The following CFAP47 variants were observed in gnomAD, a reference collection of about 807,000 sequenced individuals.
CFAP47 encodes cilia and flagella associated protein 47.
A neutral mutation model predicts 148.1 loss-of-function variants in CFAP47; 29 were observed. The observed-to-expected ratio is 0.20, with a 90% CI of 0.15 to 0.27. CFAP47 has a LOEUF of 0.27. Ranked by LOEUF, CFAP47 falls within the 10% of genes least tolerant of loss-of-function variation. CFAP47 has a pLI of 1.00. For missense variants in CFAP47, 1,872 were observed against 1,697.5 expected (o/e 1.10, Z -1.81); for synonymous variants, 664 against 577.3 (o/e 1.15, Z -2.15).
intron 51 of CFAP47, among the ~76,000 whole-genome samples, chrX:36,297,881 C>G (rs782494580): frequency 9.0e-6 from 1 of 111,291 alleles, no homozygotes; most frequent in East Asian, 2.8e-4. Context: ...CAGACCCCAT[C>G]CCAGAGCTAC....
intron 8 of CFAP47, among the ~76,000 whole-genome samples, chrX:35,958,974 G>A (rs1163464738): frequency 9.0e-6 from 1 of 111,540 alleles, no homozygotes; most frequent in East Asian, 2.8e-4. Context: ...GGCTCTGAAG[G>A]TGGAAGGGGG....
At position 36,363,200 on chromosome X, in the gene CFAP47, C is replaced by T. The variant is rs182967991; in HGVS notation, c.9023+1699C>T. Among the ~76,000 whole-genome samples, 887 of 111,472 alleles carry T rather than the reference C, an allele frequency of 8.0e-3. 4 individuals carry two copies. The highest frequency in any genetic ancestry group is 0.013 in the Non-Finnish European group (682 of 52,954). On this transcript the variant is annotated intron_variant, in intron 61 of 63. Transcript: ENST00000378653. ...TGCATATATTCATTTACTATGATTT[C>T]TTCTTTTGTATATACAGTCATGCAT... is the stretch of plus-strand genomic sequence containing the variant.
intron 19 of CFAP47, among the ~76,000 whole-genome samples, chrX:35,997,740 T>G (rs957215339): frequency 1.2e-4 from 13 of 111,233 alleles, no homozygotes; most frequent in African/African-American, 4.2e-4. Flanking sequence ...TGTTGATTAT[T>G]TAGTTTGTTT....
intron 7 of CFAP47, 151 bp from the exon 8 acceptor site, chrX:35,955,810 C>T: frequency 1.2e-6 from 1 of 845,166 alleles, no homozygotes; most frequent in Non-Finnish European, 1.6e-6. Context: ...AGGCGTGACA[C>T]AGAGAAGACA....
In CFAP47 at chrX:35,967,702, A is replaced by G. The variant is rs1936428344; in HGVS notation, c.1684A>G (p.Met562Val). 1 of 1,209,918 alleles carries G rather than the reference A, an allele frequency of 8.3e-7. No homozygotes were observed. The highest frequency in any genetic ancestry group is 1.1e-6 in the Non-Finnish European group (1 of 894,170). Residue 562 changes from methionine to valine, a missense_variant, in exon 10 of 64, where the codon ATG becomes GTG. Coordinates refer to ENST00000378653, the MANE Select transcript of CFAP47 (RefSeq NM_001304548.2). ...AKRKNYAPVA[M>V]LQSAMTRTHN... ...ACGCAAGAATTATGCACCTGTAGCA[A>G]TGCTTCAATCAGCCATGACACGCAC...
chrX:36,149,060 G>A, intron 36 of CFAP47, 48 bp from the exon 37 acceptor site: 2 of 287,208 alleles, frequency 7.0e-6, no homozygotes, highest in East Asian at 9.9e-5. Flanking sequence ...TAGTTGCATA[G>A]TTTTTAATTT....
chrX:36,331,807 A>T (rs905904346), intron 57 of CFAP47, among the ~76,000 whole-genome samples: 60 of 111,744 alleles, frequency 5.4e-4, no homozygotes, highest in African/African-American at 1.4e-3. Flanking sequence ...AGCTTCCTTT[A>T]TTTCAGTCTT....
intron 46 of CFAP47, among the ~76,000 whole-genome samples, chrX:36,235,231 C>A (rs1940440322): frequency 8.9e-6 from 1 of 112,108 alleles, no homozygotes; most frequent in African/African-American, 3.2e-5. Context: ...GTGGAGCATA[C>A]AGAGGCAGGC....
chrX:36,012,716 C>A (rs1258245795), intron 21 of CFAP47, among the ~76,000 whole-genome samples: 1 of 111,290 alleles, frequency 9.0e-6, no homozygotes, highest in African/African-American at 3.3e-5. Context: ...CTAATGCATG[C>A]GGGGCTTAAA....
At chrX:36,099,676 G>A in intron 31 of CFAP47, 75 bp from the exon 32 acceptor site, 2 of 476,902 alleles carry the variant, frequency 4.2e-6, no homozygotes, top group Admixed American at 3.3e-5. Context: ...GCATCCACAT[G>A]TTTTGAAAAA....
intron 26 of CFAP47, among the ~76,000 whole-genome samples, chrX:36,048,028 G>A (rs1937487379): frequency 9.0e-6 from 1 of 111,344 alleles, no homozygotes; most frequent in Non-Finnish European, 1.9e-5. Context: ...CCTTTTACTG[G>A]TGACTGGTTA....
chrX:35,929,370 A>G (rs1313044972), intron 2 of CFAP47, among the ~76,000 whole-genome samples: 1 of 111,931 alleles, frequency 8.9e-6, no homozygotes, highest in Non-Finnish European at 1.9e-5. Flanking sequence ...GATTCTCTAC[A>G]TGTGTTGTTA....
intron 9 of CFAP47, among the ~76,000 whole-genome samples, chrX:35,967,006 C>T (rs996424285): frequency 2.7e-5 from 3 of 110,161 alleles, no homozygotes; most frequent in African/African-American, 9.9e-5. Context: ...CCTGTTAAAA[C>T]ACATGTCATT....
At chrX:36,098,724 G>T (rs1481889273) in intron 30 of CFAP47, 69 bp from the exon 31 acceptor site, 1 of 476,173 alleles carries the variant, frequency 2.1e-6, no homozygotes, top group East Asian at 4.3e-5. Context: ...TTTAATTGAT[G>T]GTCAATGCAA....
At chrX:35,939,967 A>G (rs1364056823) in intron 2 of CFAP47, among the ~76,000 whole-genome samples, 1 of 108,263 alleles carries the variant, frequency 9.2e-6, no homozygotes, top group South Asian at 4.1e-4. Context: ...TTGTTTCCTG[A>G]CTTTTTCATG....
chrX:35,966,308 T>A (rs748719047), intron 8 of CFAP47, among the ~76,000 whole-genome samples: 6 of 111,250 alleles, frequency 5.4e-5, no homozygotes, highest in African/African-American at 9.8e-5. Flanking sequence ...AAATATTAGC[T>A]GCTAATATTT....
At chrX:35,971,016 ATGT>A (rs895870038) in intron 11 of CFAP47, 93 bp downstream of exon 11, 2 of 686,582 alleles carry the variant, frequency 2.9e-6, no homozygotes, top group African/African-American at 4.6e-5. Context: ...TTTATTTTAG[ATGT>A]TGTAAACTAC....
intron 30 of CFAP47, among the ~76,000 whole-genome samples, chrX:36,095,688 T>A (rs944176386): frequency 4.5e-5 from 5 of 111,571 alleles, no homozygotes; most frequent in Non-Finnish European, 7.6e-5. Context: ...CTTGTGATCA[T>A]TTGAATTTCT....
rs776244410 is a variant in CFAP47, at chrX:35,992,044, C to T, written c.2967+101C>T. The T allele has an allele frequency of 3.3e-5, 9 of 276,181 alleles. No homozygotes were observed. In the East Asian group the frequency reaches 4.1e-4, roughly 13 times the overall value. 22.8% of individuals were successfully genotyped at this position (276,181 alleles called of 1,213,427 possible). A position where few individuals can be genotyped will look rare whatever the true frequency, so the allele number is the denominator to read the frequency against. On this transcript the variant is annotated intron_variant, in intron 17 of 63. Transcript: ENST00000378653. Reference sequence around the variant, plus strand: ...CTTCACTTTTGCTAATTTTTAGATACTTCACATTAAATTTACCTGAGTATA... The same window carrying T: ...CTTCACTTTTGCTAATTTTTAGATATTTCACATTAAATTTACCTGAGTATA...
Sources: gnomAD v4.1 joint callset for allele counts (sites outside exome capture counted in the v4.1 genomes callset) on GRCh38, gnomAD v4.1.1 for gene constraint, MANE v1.5 for transcripts, NCBI Gene and HGNC (gene_info 2026-07-23, HGNC 2026-07-21) for gene names.